Variants in LYPLAL1 observed in about 807,000 individuals in gnomAD.
The protein encoded by LYPLAL1 is lysophospholipase-like protein 1.
Under a neutral mutation model 19.7 loss-of-function variants are expected in LYPLAL1, and 23 were observed. The observed-to-expected ratio is 1.17, with a 90% CI of 0.84 to 1.65. LYPLAL1 has a LOEUF of 1.65. Ranked by LOEUF, LYPLAL1 falls within the 40% of genes most tolerant of loss-of-function variation. The probability of loss-of-function intolerance (pLI) is 0.00; values close to 1 mark genes in which losing one functional copy is unlikely to be tolerated. For synonymous variants in LYPLAL1, 119 were observed against 96.3 expected, an observed-to-expected ratio of 1.24 and a Z score of -1.38; for missense variants, 355 against 279.4, an observed-to-expected ratio of 1.27 and a Z score of -1.93.
intron 3 of LYPLAL1, among the ~76,000 whole-genome samples, chr1:219,208,089 G>A (rs1214151890): frequency 4.6e-5 from 7 of 151,952 alleles, no homozygotes; most frequent in African/African-American, 1.7e-4. Flanking sequence ...GTAAGTAAAT[G>A]GGCTGTAAAG....
chr1:219,251,482 A>G, the LYPLAL1 span, among the ~76,000 whole-genome samples: 2 of 151,990 alleles, frequency 1.3e-5, no homozygotes, highest in African/African-American at 2.4e-5. Context: ...TCCAGCTTCA[A>G]TCTTCTGCAT....
At chr1:219,285,229 C>T in the LYPLAL1 span, among the ~76,000 whole-genome samples, 11 of 152,062 alleles carry the variant, frequency 7.2e-5, no homozygotes, top group African/African-American at 1.7e-4. Flanking sequence ...AACATACAAA[C>T]GAAATCAGAA....
At chr1:219,290,568 A>ATGT in the LYPLAL1 span, among the ~76,000 whole-genome samples, 3 of 152,248 alleles carry the variant, frequency 2.0e-5, no homozygotes, top group East Asian at 5.8e-4. Flanking sequence ...TCCCTATGAT[A>ATGT]TGTTGTTGTT....
chr1:219,273,307 T>C, the LYPLAL1 span: 1 of 152,246 alleles, frequency 6.6e-6, no homozygotes, highest in Admixed American at 6.5e-5. Flanking sequence ...TTCTTGTATC[T>C]ATCAGATGAT....
At chr1:219,175,663 T>C (rs1332182976) in intron 1 of LYPLAL1, among the ~76,000 whole-genome samples, 1 of 152,236 alleles carries the variant, frequency 6.6e-6, no homozygotes, top group Non-Finnish European at 1.5e-5. Context: ...TTCTGCCAAG[T>C]ATGCGAGTAT....
chr1:219,229,965 T>C, the LYPLAL1 span, among the ~76,000 whole-genome samples: 2 of 152,226 alleles, frequency 1.3e-5, no homozygotes, highest in Non-Finnish European at 2.9e-5. Flanking sequence ...TACATTTATC[T>C]GTAGGGCAAT....
the LYPLAL1 span, chr1:219,222,570 G>A: frequency 6.6e-6 from 1 of 152,076 alleles, no homozygotes; most frequent in Non-Finnish European, 1.5e-5. Flanking sequence ...CTCTGTTGCT[G>A]GTTTTTCCTT....
chr1:219,307,543 C>G, the LYPLAL1 span, among the ~76,000 whole-genome samples: 3 of 152,160 alleles, frequency 2.0e-5, no homozygotes, highest in Non-Finnish European at 4.4e-5. Context: ...AATTAATAAG[C>G]AGCATCATTA....
At chr1:219,445,345 CA>C in the LYPLAL1 span, among the ~76,000 whole-genome samples, 8 of 117,930 alleles carry the variant, frequency 6.8e-5, no homozygotes, top group Non-Finnish European at 9.6e-5. Context: ...ATAGTCTGAC[CA>C]AAAAAAAACT....
At chr1:219,221,388 T>G in the LYPLAL1 span, among the ~76,000 whole-genome samples, 3 of 152,196 alleles carry the variant, frequency 2.0e-5, no homozygotes, top group African/African-American at 7.2e-5. Flanking sequence ...CACCTAGATG[T>G]CACCAAAGCC....
At chr1:219,318,966 T>C in the LYPLAL1 span, among the ~76,000 whole-genome samples, 2 of 152,222 alleles carry the variant, frequency 1.3e-5, no homozygotes, top group Non-Finnish European at 2.9e-5. Context: ...CACTGACCCC[T>C]TGGGATTGCT....
At chr1:219,371,088 CT>C in the LYPLAL1 span, among the ~76,000 whole-genome samples, 2 of 152,178 alleles carry the variant, frequency 1.3e-5, no homozygotes, top group African/African-American at 2.4e-5. Flanking sequence ...TGAACCTTAA[CT>C]GCTTACAACC....
At chr1:219,395,313 C>T in the LYPLAL1 span, among the ~76,000 whole-genome samples, 2 of 152,124 alleles carry the variant, frequency 1.3e-5, no homozygotes, top group African/African-American at 2.4e-5. Context: ...TTCAAATAGC[C>T]ATTCTGACTG....
At chr1:219,265,942 AGTTTGTGGGATGGGAAGTT>A in the LYPLAL1 span, among the ~76,000 whole-genome samples, 1 of 152,146 alleles carries the variant, frequency 6.6e-6, no homozygotes, top group Admixed American at 6.5e-5. Context: ...ACAGGAATAA[AGTTTGTGGGATGGGAAGTT>A]GCTCTGGGGT....
the LYPLAL1 span, among the ~76,000 whole-genome samples, chr1:219,372,925 G>C: frequency 6.6e-6 from 1 of 151,852 alleles, no homozygotes; most frequent in African/African-American, 2.4e-5. Context: ...TAAATAAATT[G>C]TTCTACATTA....
the LYPLAL1 span, among the ~76,000 whole-genome samples, chr1:219,257,681 G>T: frequency 6.6e-6 from 1 of 152,020 alleles, no homozygotes. Flanking sequence ...GCAAATCAAA[G>T]ATCACAAGGC....
At chr1:219,302,898 C>G in the LYPLAL1 span, among the ~76,000 whole-genome samples, 4 of 152,280 alleles carry the variant, frequency 2.6e-5, no homozygotes, top group African/African-American at 9.6e-5. Context: ...TAGCCATTCA[C>G]CACTCGTTGG....
At chr1:219,361,880 T>G in the LYPLAL1 span, among the ~76,000 whole-genome samples, 1 of 152,158 alleles carries the variant, frequency 6.6e-6, no homozygotes, top group Non-Finnish European at 1.5e-5. Flanking sequence ...TCTGTGTCAA[T>G]TTTTATATTT....
intron 3 of LYPLAL1, chr1:219,198,693 C>T (rs142515813): frequency 1.3e-5 from 2 of 152,140 alleles, no homozygotes; most frequent in East Asian, 3.9e-4. Flanking sequence ...CCTTTTCATT[C>T]TGATGTATAA....
Sources: allele counts gnomAD v4.1 joint callset (sites outside exome capture counted in the v4.1 genomes callset), GRCh38; gene constraint gnomAD v4.1.1; transcripts MANE v1.5; gene names NCBI Gene and HGNC (gene_info 2026-07-23, HGNC 2026-07-21).